SLIT2: variants seen among roughly 807,000 people sequenced by gnomAD.
The protein encoded by SLIT2 is slit homolog 2 protein.
A neutral mutation model predicts 185.7 loss-of-function variants in SLIT2; 41 were observed. That is an observed-to-expected ratio of 0.22 (90% CI 0.17 to 0.29). SLIT2 has a LOEUF of 0.29. Among genes scored for constraint, SLIT2 ranks in the 10% least tolerant of loss-of-function variants. The probability of loss-of-function intolerance (pLI) is 1.00; values close to 1 mark genes in which losing one functional copy is unlikely to be tolerated. For missense variants in SLIT2, 1,571 were observed against 1,909.0 expected (o/e 0.82, Z 3.30); for synonymous variants, 693 against 680.2 (o/e 1.02, Z -0.29).
intron 4 of SLIT2, among the ~76,000 whole-genome samples, chr4:20,274,351 A>T (rs1332372831): frequency 6.6e-6 from 1 of 152,140 alleles, no homozygotes. Context: ...TTTAACCAAA[A>T]CTTTATTTTC....
intron 4 of SLIT2, among the ~76,000 whole-genome samples, chr4:20,395,653 A>G (rs1725832834): frequency 6.6e-6 from 1 of 151,970 alleles, no homozygotes. Flanking sequence ...ATGCAAATAA[A>G]ATACATTACC....
At chr4:20,603,968 G>A (rs767335751) in intron 33 of SLIT2, among the ~76,000 whole-genome samples, 1 of 152,262 alleles carries the variant, frequency 6.6e-6, no homozygotes, top group Admixed American at 6.5e-5. Flanking sequence ...ATAACCTTGG[G>A]CAGATTGCTT....
At chr4:20,410,248 T>C (rs541860842) in intron 4 of SLIT2, among the ~76,000 whole-genome samples, 23 of 129,132 alleles carry the variant, frequency 1.8e-4, no homozygotes, top group East Asian at 6.4e-4. Context: ...CTTTTCTTTT[T>C]TTTTTTTTTT....
intron 4 of SLIT2, among the ~76,000 whole-genome samples, chr4:20,430,890 T>G (rs531452861): frequency 6.6e-6 from 1 of 152,198 alleles, no homozygotes; most frequent in African/African-American, 2.4e-5. Context: ...CATATCTACA[T>G]GTATACCATC....
chr4:20,342,233 G>T (rs1316206399), intron 4 of SLIT2, among the ~76,000 whole-genome samples: 1 of 152,074 alleles, frequency 6.6e-6, no homozygotes, highest in Non-Finnish European at 1.5e-5. Context: ...GTTTAGCATT[G>T]TATGCCAAGT....
At chr4:20,300,893 A>C (rs1341062219) in intron 4 of SLIT2, among the ~76,000 whole-genome samples, 2 of 152,076 alleles carry the variant, frequency 1.3e-5, no homozygotes, top group East Asian at 3.9e-4. Context: ...GCATTTAATG[A>C]ATTTTTGGTT....
intron 3 of SLIT2, among the ~76,000 whole-genome samples, chr4:20,265,656 G>GT (rs772439722): frequency 6.2e-4 from 92 of 147,542 alleles, no homozygotes; most frequent in East Asian, 1.4e-3. Flanking sequence ...TATATTTTCA[G>GT]TTTTTTTTTT....
chr4:20,420,255 C>T (rs1033951889), intron 4 of SLIT2, among the ~76,000 whole-genome samples: 1 of 152,118 alleles, frequency 6.6e-6, no homozygotes, highest in Non-Finnish European at 1.5e-5. Context: ...ACATGACTGA[C>T]CCACACTTTT....
intron 4 of SLIT2, among the ~76,000 whole-genome samples, chr4:20,348,162 G>A (rs145527173): frequency 1.3e-5 from 2 of 152,108 alleles, no homozygotes; most frequent in Admixed American, 6.6e-5. Flanking sequence ...TCAGAGTTTA[G>A]TGAGCAACCA....
Position 20,251,933 on chromosome 4 carries a change from C to A in SLIT2, c.-1883C>A, listed in dbSNP as rs557007048. Among the ~76,000 whole-genome samples the A allele has an allele frequency of 1.7e-4, 26 of 152,180 alleles. No homozygotes were observed. The highest frequency in any genetic ancestry group is 3.5e-4 in the Non-Finnish European group (24 of 67,978). On this transcript the variant is annotated 5_prime_UTR_variant, in exon 1 of 37. Transcript: ENST00000504154. ...TGGTGTTATTTATTTGGGAAGCGCC[C>A]GGACGGCGGAGCTTGGCGGCGGCGG...
intron 14 of SLIT2, among the ~76,000 whole-genome samples, chr4:20,524,854 G>A (rs1721147110): frequency 6.6e-6 from 1 of 152,086 alleles, no homozygotes; most frequent in African/African-American, 2.4e-5. Context: ...CCTTTTTTAT[G>A]ATAGAATATT....
In SLIT2 at chr4:20,398,574, G is replaced by A. The variant is rs574361752; in HGVS notation, c.396-69178G>A. On this transcript the variant is annotated intron_variant, in intron 4 of 36. Transcript: ENST00000504154. ...TTCAGCTGGACTCTCTTTTATCATC[G>A]CAGGTTTCTTCTTGGCACTTTCCTC... Among the ~76,000 whole-genome samples the A allele has an allele frequency of 4.6e-5, 7 of 151,750 alleles. No individual in the cohort carries two copies. The South Asian group carries it at 1.5e-3, about 32-fold the overall frequency.
chr4:20,372,582 T>C (rs1280072643), intron 4 of SLIT2, among the ~76,000 whole-genome samples: 1 of 152,098 alleles, frequency 6.6e-6, no homozygotes, highest in Admixed American at 6.6e-5. Flanking sequence ...GCATGGATCC[T>C]GCTAAATTCT....
chr4:20,406,569 A>T (rs541070040), intron 4 of SLIT2, among the ~76,000 whole-genome samples: 1 of 144,332 alleles, frequency 6.9e-6, no homozygotes, highest in Non-Finnish European at 1.5e-5. Context: ...ATTATTATCC[A>T]TCAGGAAAAT....
In SLIT2 at chr4:20,370,051, AC is replaced by A. The variant is rs1723447825; in HGVS notation, c.396-97699del. Reference sequence around the variant, plus strand: ...TGAAAATATTTGGTCTCTACCCCAGACCAACTGAATAAGATTGTCAGAGGGA... The same window carrying A: ...TGAAAATATTTGGTCTCTACCCCAGACAACTGAATAAGATTGTCAGAGGGA... On this transcript the variant is annotated intron_variant, in intron 4 of 36. Coordinates refer to ENST00000504154, the MANE Select transcript of SLIT2 (RefSeq NM_004787.4). Among the ~76,000 whole-genome samples the A allele has an allele frequency of 2.6e-5, 4 of 152,216 alleles. No homozygotes were observed. In the South Asian group the frequency reaches 8.3e-4, roughly 32 times the overall value.
chr4:20,295,630 C>T (rs994827090), intron 4 of SLIT2, among the ~76,000 whole-genome samples: 2 of 152,096 alleles, frequency 1.3e-5, no homozygotes, highest in African/African-American at 4.8e-5. Flanking sequence ...GGTACTTGGG[C>T]TTCCTGAGAA....
At chr4:20,347,244 G>T (rs1721499603) in intron 4 of SLIT2, among the ~76,000 whole-genome samples, 1 of 152,168 alleles carries the variant, frequency 6.6e-6, no homozygotes, top group Non-Finnish European at 1.5e-5. Context: ...TCTCTGTTAG[G>T]TAAAGGAGGC....
At chr4:20,259,776 G>A (rs1712243013) in intron 3 of SLIT2, among the ~76,000 whole-genome samples, 1 of 151,716 alleles carries the variant, frequency 6.6e-6, no homozygotes, top group African/African-American at 2.4e-5. Context: ...TTTCAGAGTG[G>A]GAGGAGGATT....
At chr4:20,393,572 C>T (rs1329540281) in intron 4 of SLIT2, 1 of 151,972 alleles carries the variant, frequency 6.6e-6, no homozygotes, top group Non-Finnish European at 1.5e-5. Flanking sequence ...TTAGAAAAAA[C>T]ACCAGGCTTG....
Sources: gnomAD v4.1 joint callset for allele counts (sites outside exome capture counted in the v4.1 genomes callset) on GRCh38, gnomAD v4.1.1 for gene constraint, MANE v1.5 for transcripts, NCBI Gene and HGNC (gene_info 2026-07-23, HGNC 2026-07-21) for gene names.